Variants in VPS8 observed in about 807,000 individuals in gnomAD.
The protein encoded by VPS8 is VPS8 subunit of CORVET complex.
A neutral mutation model predicts 216.4 loss-of-function variants in VPS8; 129 were observed. The ratio of observed to expected loss-of-function variants is 0.60; its 90% CI spans 0.52 to 0.69. VPS8 has a LOEUF of 0.69. Among genes scored for constraint, VPS8 ranks in the 30% least tolerant of loss-of-function variants. VPS8 has a pLI of 0.00. For synonymous variants in VPS8, 571 were observed against 565.4 expected (o/e 1.01, Z -0.14); for missense variants, 1,531 against 1,683.5 (o/e 0.91, Z 1.59).
intron 21 of VPS8, among the ~76,000 whole-genome samples, chr3:184,872,292 G>A (rs1370126403): frequency 6.6e-6 from 1 of 152,070 alleles, no homozygotes; most frequent in African/African-American, 2.4e-5. Context: ...GTATGTGTGT[G>A]TGGAGAATAT....
At chr3:184,950,477 G>T (rs56001431) in intron 36 of VPS8, among the ~76,000 whole-genome samples, 1 of 151,938 alleles carries the variant, frequency 6.6e-6, no homozygotes, top group South Asian at 2.1e-4. Context: ...GGCCTATTTA[G>T]ATACAGTTTT....
At chr3:184,864,117 A>G (rs1726897103) in intron 16 of VPS8, among the ~76,000 whole-genome samples, 1 of 149,716 alleles carries the variant, frequency 6.7e-6, no homozygotes. Context: ...GAAATAACCC[A>G]GGAAGAGGAA....
At chr3:185,043,220 T>TA (rs1712080893) in intron 46 of VPS8, among the ~76,000 whole-genome samples, 1 of 152,196 alleles carries the variant, frequency 6.6e-6, no homozygotes, top group Non-Finnish European at 1.5e-5. Context: ...TATCAAGAGT[T>TA]ACCCTGTCTC....
intron 45 of VPS8, among the ~76,000 whole-genome samples, chr3:185,013,509 C>G (rs1289050081): frequency 6.6e-6 from 1 of 152,214 alleles, no homozygotes; most frequent in Non-Finnish European, 1.5e-5. Flanking sequence ...CACTCCAGTT[C>G]CTGGCATTAA....
chr3:184,909,825 A>T (rs1485259283), intron 25 of VPS8, among the ~76,000 whole-genome samples: 1 of 152,078 alleles, frequency 6.6e-6, no homozygotes, highest in Non-Finnish European at 1.5e-5. Flanking sequence ...CTGTATCTGG[A>T]TATTATGAAT....
intron 3 of VPS8, among the ~76,000 whole-genome samples, chr3:184,828,859 T>C (rs1719378332): frequency 6.6e-6 from 1 of 152,198 alleles, no homozygotes; most frequent in South Asian, 2.1e-4. Context: ...AGCCGAACAT[T>C]ACTAGTACCC....
At chr3:184,824,100 C>T (rs1409770233) in intron 1 of VPS8, 1 of 152,674 alleles carries the variant, frequency 6.5e-6, no homozygotes, top group Non-Finnish European at 1.5e-5. Flanking sequence ...CGTCTGTGGC[C>T]CTGTGCAGAG....
chr3:184,818,521 C>CAAAA (rs11310520), intron 1 of VPS8, among the ~76,000 whole-genome samples: 1 of 89,284 alleles, frequency 1.1e-5, no homozygotes, highest in Non-Finnish European at 2.4e-5. Context: ...GAACCTGTCT[C>CAAAA]AAAAAAAAAA....
intron 32 of VPS8, 89 bp downstream of exon 32, chr3:184,928,622 C>A: frequency 1.0e-6 from 1 of 968,128 alleles, no homozygotes; most frequent in Non-Finnish European, 1.4e-6. Flanking sequence ...TGATACATTG[C>A]TGCTTTTTTA....
chr3:184,955,598 T>G (rs1177019080), intron 36 of VPS8, among the ~76,000 whole-genome samples: 1 of 152,056 alleles, frequency 6.6e-6, no homozygotes, highest in Non-Finnish European at 1.5e-5. Context: ...AGCTATTGTC[T>G]CTTTATCTCT....
chr3:184,830,454 T>TCACA (rs3040915), intron 3 of VPS8, among the ~76,000 whole-genome samples: 1,823 of 147,790 alleles, frequency 0.012, 29 homozygotes, highest in African/African-American at 0.038. Context: ...GTTTATCAGT[T>TCACA]CACACACACA....
At chr3:184,839,264 A>G (rs1425962155) in intron 6 of VPS8, 1 of 176,594 alleles carries the variant, frequency 5.7e-6, no homozygotes, top group Non-Finnish European at 1.2e-5. Context: ...TTGGTAAGGA[A>G]GTGGGTGAGT....
chr3:185,044,057 G>A (rs1279187243), intron 46 of VPS8, among the ~76,000 whole-genome samples: 2 of 152,266 alleles, frequency 1.3e-5, no homozygotes, highest in East Asian at 3.9e-4. Flanking sequence ...GGGCATGGTG[G>A]CATGCATCTG....
chr3:184,843,562 T>C (rs1722573377), intron 8 of VPS8, among the ~76,000 whole-genome samples: 1 of 152,230 alleles, frequency 6.6e-6, no homozygotes, highest in African/African-American at 2.4e-5. Context: ...TTTTTTGGCA[T>C]AAACTTTCAT....
At chr3:185,032,708 C>G (rs1758342918) in intron 46 of VPS8, among the ~76,000 whole-genome samples, 1 of 152,086 alleles carries the variant, frequency 6.6e-6, no homozygotes, top group African/African-American at 2.4e-5. Flanking sequence ...CTCTGTCGCC[C>G]AGGCTGGAGT....
chr3:185,024,645 G>T, intron 46 of VPS8, among the ~76,000 whole-genome samples: 1 of 152,150 alleles, frequency 6.6e-6, no homozygotes, highest in East Asian at 1.9e-4. Context: ...TGGTATCGTG[G>T]TATCAATGAG....
chr3:184,897,811 A>T (rs1578139857), intron 23 of VPS8, among the ~76,000 whole-genome samples: 1 of 152,150 alleles, frequency 6.6e-6, no homozygotes, highest in East Asian at 1.9e-4. Context: ...CAGAATATAG[A>T]GTACTGTATA....
intron 28 of VPS8, among the ~76,000 whole-genome samples, chr3:184,916,557 T>C (rs901093304): frequency 2.0e-5 from 3 of 152,122 alleles, no homozygotes; most frequent in African/African-American, 7.2e-5. Context: ...AAAAGGTAAG[T>C]ACTCATGAGA....
chr3:184,899,002 T>G (rs1025161001), intron 24 of VPS8, among the ~76,000 whole-genome samples: 28 of 152,314 alleles, frequency 1.8e-4, no homozygotes, highest in African/African-American at 6.5e-4. Flanking sequence ...TTTTGTATAA[T>G]TATTTTATAT....
Sources: gnomAD v4.1 joint callset for allele counts (sites outside exome capture counted in the v4.1 genomes callset) on GRCh38, gnomAD v4.1.1 for gene constraint, MANE v1.5 for transcripts, NCBI Gene and HGNC (gene_info 2026-07-23, HGNC 2026-07-21) for gene names.